The following EYS variants were observed in gnomAD, a reference collection of about 807,000 sequenced individuals.
The protein encoded by EYS is protein eyes shut homolog.
A neutral mutation model predicts 282.1 loss-of-function variants in EYS; 250 were observed. The observed-to-expected ratio is 0.89, with a 90% CI of 0.80 to 0.98. The LOEUF is 0.98. Among genes scored for constraint, EYS ranks in the 50% least tolerant of loss-of-function variants. The probability of loss-of-function intolerance (pLI) is 0.00; values close to 1 mark genes in which losing one functional copy is unlikely to be tolerated. For missense variants in EYS, 4,016 were observed against 3,709.0 expected, an observed-to-expected ratio of 1.08 and a Z score of -2.15; for synonymous variants, 1,355 against 1,282.9, an observed-to-expected ratio of 1.06 and a Z score of -1.20.
At chr6:65,638,503 A>T (rs1767167714) in intron 2 of EYS, among the ~76,000 whole-genome samples, 1 of 152,014 alleles carries the variant, frequency 6.6e-6, no homozygotes, top group African/African-American at 2.4e-5. Flanking sequence ...GGGCCGTGAC[A>T]CCCTCTTTGG....
At chr6:65,261,933 T>C (rs1270146826) in intron 12 of EYS, among the ~76,000 whole-genome samples, 1 of 152,074 alleles carries the variant, frequency 6.6e-6, no homozygotes, top group African/African-American at 2.4e-5. Flanking sequence ...TTGAACAAGG[T>C]CTACTAACAT....
chr6:64,704,301 A>T (rs1217223060), intron 22 of EYS, among the ~76,000 whole-genome samples: 1 of 137,206 alleles, frequency 7.3e-6, no homozygotes, highest in Non-Finnish European at 1.6e-5. Flanking sequence ...AATACTATAT[A>T]TTTATATGTA....
At chr6:64,808,428 T>C (rs1764501063) in intron 22 of EYS, among the ~76,000 whole-genome samples, 2 of 150,112 alleles carry the variant, frequency 1.3e-5, no homozygotes, top group South Asian at 4.2e-4. Flanking sequence ...ATATCAAATA[T>C]ATAATTTAAC....
intron 15 of EYS, among the ~76,000 whole-genome samples, chr6:64,941,859 GT>G (rs1304948371): frequency 6.6e-6 from 1 of 152,096 alleles, no homozygotes; most frequent in Non-Finnish European, 1.5e-5. Context: ...GCAATCCCAT[GT>G]TGATGGGAAC....
chr6:65,026,988 C>T (rs1002633654), intron 13 of EYS, among the ~76,000 whole-genome samples: 23 of 149,682 alleles, frequency 1.5e-4, no homozygotes, highest in Non-Finnish European at 3.3e-4. Flanking sequence ...TTGTTCTACC[C>T]TTTTCCTCTT....
intron 8 of EYS, among the ~76,000 whole-genome samples, chr6:65,370,749 A>G (rs1765112516): frequency 6.6e-6 from 1 of 151,860 alleles, no homozygotes; most frequent in South Asian, 2.1e-4. Flanking sequence ...TCTCCTGCTC[A>G]GTTTCTATAG....
At chr6:65,524,313 G>A (rs986155085) in intron 2 of EYS, among the ~76,000 whole-genome samples, 7 of 152,142 alleles carry the variant, frequency 4.6e-5, no homozygotes, top group Non-Finnish European at 1.0e-4. Context: ...TGGAATAATT[G>A]TTGTGTCTCC....
intron 35 of EYS, among the ~76,000 whole-genome samples, chr6:63,954,975 C>A (rs928374893): frequency 6.6e-6 from 1 of 152,162 alleles, no homozygotes; most frequent in Non-Finnish European, 1.5e-5. Flanking sequence ...TTCAGGCCCC[C>A]TCTCTTCCCT....
At chr6:64,623,158 C>A (rs2149854344) in intron 23 of EYS, among the ~76,000 whole-genome samples, 1 of 152,174 alleles carries the variant, frequency 6.6e-6, no homozygotes, top group South Asian at 2.1e-4. Context: ...GTAGTAAGCA[C>A]ATTTAACATG....
intron 22 of EYS, among the ~76,000 whole-genome samples, chr6:64,776,181 C>A (rs139316462): frequency 1.1e-3 from 167 of 152,192 alleles, no homozygotes; most frequent in Admixed American, 0.01. Flanking sequence ...AATTGACATA[C>A]TCGGTTGTTT....
At chr6:64,763,323 G>A (rs1773221462) in intron 22 of EYS, among the ~76,000 whole-genome samples, 1 of 152,146 alleles carries the variant, frequency 6.6e-6, no homozygotes, top group African/African-American at 2.4e-5. Context: ...GGAGGACTAA[G>A]GAAACTTACA....
chr6:64,993,405 T>C lies in EYS; in HGVS notation c.2259+4177A>G, dbSNP rs148553146. Among the ~76,000 whole-genome samples the C allele has an allele frequency of 1.4e-4, 21 of 151,776 alleles. No individual in the cohort carries two copies. The East Asian group carries it at 4.1e-3, about 30-fold the overall frequency. The stretch of plus-strand genomic sequence containing the variant: ...TGGACTACTACGCAGCCATAAAAAA[T>C]GATGAGTTCACGTCCTTTGTAGGAA... On this transcript the variant is annotated intron_variant, in intron 14 of 42. Coordinates refer to ENST00000503581, the MANE Select transcript of EYS (RefSeq NM_001142800.2).
intron 31 of EYS, among the ~76,000 whole-genome samples, chr6:64,144,837 G>A (rs917502846): frequency 1.3e-4 from 20 of 152,022 alleles, no homozygotes; most frequent in Non-Finnish European, 2.5e-4. Context: ...CACGTGTTGG[G>A]GATGGATGGA....
chr6:63,880,525 A>ATCTATCTATCTG (rs1371469990), intron 35 of EYS, among the ~76,000 whole-genome samples: 9 of 151,828 alleles, frequency 5.9e-5, no homozygotes, highest in African/African-American at 2.2e-4. Flanking sequence ...CTATCTATCT[A>ATCTATCTATCTG]TCTATTCTGT....
At chr6:65,680,197 A>G (rs934568362) in intron 1 of EYS, among the ~76,000 whole-genome samples, 15 of 151,820 alleles carry the variant, frequency 9.9e-5, no homozygotes, top group South Asian at 6.2e-4. Flanking sequence ...TGGGTCACGT[A>G]TCTTCACTAA....
At chr6:64,032,952 ACTCCCCAGCCACTCTCTCCT>A (rs1769925168) in intron 33 of EYS, among the ~76,000 whole-genome samples, 2 of 151,802 alleles carry the variant, frequency 1.3e-5, no homozygotes, top group African/African-American at 4.8e-5. Context: ...TGATTAACTC[ACTCCCCAGCCACTCTCTCCT>A]CTCTTGAGGA....
At chr6:63,849,307 C>T (rs1772181621) in intron 36 of EYS, among the ~76,000 whole-genome samples, 1 of 152,178 alleles carries the variant, frequency 6.6e-6, no homozygotes, top group Non-Finnish European at 1.5e-5. Context: ...AAGAGAGCAG[C>T]AGATCTCCCA....
At chr6:64,110,675 G>A (rs113451549) in intron 31 of EYS, among the ~76,000 whole-genome samples, 6,419 of 151,898 alleles carry the variant, frequency 0.042, 402 homozygotes, top group African/African-American at 0.14. Context: ...TTTTATTTTA[G>A]GTGTGAGAGA....
chr6:63,910,691 A>C (rs1268790236), intron 35 of EYS, among the ~76,000 whole-genome samples: 1 of 152,250 alleles, frequency 6.6e-6, no homozygotes, highest in Non-Finnish European at 1.5e-5. Flanking sequence ...TTGATATATT[A>C]GATAGTTTTG....
Sources: allele counts gnomAD v4.1 joint callset (sites outside exome capture counted in the v4.1 genomes callset), GRCh38; gene constraint gnomAD v4.1.1; transcripts MANE v1.5; gene names NCBI Gene and HGNC (gene_info 2026-07-23, HGNC 2026-07-21).